C5: variants seen among roughly 807,000 people sequenced by gnomAD.
The protein encoded by C5 is C3 and PZP-like alpha-2-macroglobulin domain-containing protein 4.
C5 carries 140 observed loss-of-function variants against 218.8 expected under a neutral mutation model. The observed-to-expected ratio is 0.64, with a 90% CI of 0.56 to 0.74. C5 has a LOEUF of 0.74. Among genes scored for constraint, C5 ranks in the 30% least tolerant of loss-of-function variants. C5 has a pLI of 0.00. For synonymous variants in C5, 614 were observed against 682.3 expected (o/e 0.90, Z 1.56); for missense variants, 1,700 against 1,969.6 (o/e 0.86, Z 2.59).
chr9:120,988,024 C>T lies in C5; in HGVS notation c.3230+1022G>A, dbSNP rs191026568. 8.5e-5 allele frequency among the ~76,000 whole-genome samples: 13 copies of T among 152,286 alleles called. No homozygotes were observed. The East Asian group carries it at 2.5e-3, about 29-fold the overall frequency. On this transcript the variant is annotated intron_variant, in intron 25 of 40. Coordinates refer to ENST00000223642, the MANE Select transcript of C5 (RefSeq NM_001735.3). ...GCCAGGATGGTCTCGATCTCTTGAC[C>T]TCATGATCCGCCCGCCTTGTCCTCC...
Position 120,997,694 on chromosome 9 carries a change from G to A in C5, c.2643C>T (p.Ser881=), listed in dbSNP as rs1268236060. The A allele has an allele frequency of 2.5e-6, 4 of 1,614,046 alleles. No individual in the cohort carries two copies. The Admixed American group carries it at 5.0e-5, about 20-fold the overall frequency. ...PVIDHQGTKS[S]KCVRQKVEGS... ...CCTCTACTTTCTGGCGCACACATTT[G>A]GAGGACTTTGTGCCCTGATGATCAA... Residue 881 remains serine, a synonymous_variant, in exon 21 of 41, where the codon TCC becomes TCT. Transcript: ENST00000223642.
chr9:120,996,962 T>C (rs2047121882), intron 21 of C5, among the ~76,000 whole-genome samples: 1 of 151,882 alleles, frequency 6.6e-6, no homozygotes, highest in Admixed American at 6.6e-5. Context: ...CATAAAAATA[T>C]TAATGTTAAT....
intron 12 of C5, among the ~76,000 whole-genome samples, chr9:121,019,219 G>A (rs945081200): frequency 9.2e-5 from 14 of 151,774 alleles, no homozygotes; most frequent in African/African-American, 3.4e-4. Flanking sequence ...CTGCATACAT[G>A]GATTTGGTAT....
At position 120,960,299 on chromosome 9, in the gene C5, T is replaced by C; in HGVS notation, c.4627A>G (p.Ile1543Val). Reference sequence around the variant, plus strand: ...GTTTGTTTTCTTGTCTCTGCAGAGATTGTCAGATCCAATTCTTCCTGCATT... The same window carrying C: ...GTTTGTTTTCTTGTCTCTGCAGAGACTGTCAGATCCAATTCTTCCTGCATT... ...GQMQEELDLTISAETRKQTAC... is the reference protein window; with the variant it reads ...GQMQEELDLTVSAETRKQTAC... The change falls in exon 38 of 41, where the codon ATC (isoleucine) becomes GTC (valine). Residue 1543 changes from isoleucine to valine, a missense_variant. Physicochemically the swap from Ile to Val is conservative, Grantham distance 29. Transcript: ENST00000223642. The C allele has an allele frequency of 6.2e-7, 1 of 1,613,716 alleles. No individual in the cohort carries two copies. Among genetic ancestry groups the C allele is most frequent in the South Asian group, 1.1e-5 (1 of 91,074 alleles).
intron 20 of C5, among the ~76,000 whole-genome samples, chr9:121,002,216 G>GTATA (rs757615788): frequency 1.8e-5 from 2 of 112,842 alleles, no homozygotes; most frequent in Non-Finnish European, 1.7e-5. Flanking sequence ...GTATATATAC[G>GTATA]TATATATATA....
rs2131773909 is a variant in C5 at position 121,021,628 on chromosome 9, T to C, written c.1183A>G (p.Ile395Val). 6.2e-7 allele frequency: 1 copy of C among 1,613,982 alleles called. No homozygotes were observed. The highest frequency in any genetic ancestry group is 1.1e-5 in the South Asian group (1 of 91,080). The change falls in exon 11 of 41, where the codon ATT (isoleucine) becomes GTT (valine). Residue 395 changes from isoleucine to valine, a missense_variant. Physicochemically the swap from Ile to Val is conservative, Grantham distance 29. Coordinates refer to ENST00000223642, the MANE Select transcript of C5 (RefSeq NM_001735.3). ...TCAGATGTCTCTTGGTTTACATCAA[T>C]TGTTTGTGCATTCAGTGTTACTGGG... ...GVPVTLNAQT[I>V]DVNQETSDLD...
At chr9:121,071,433 C>T in the C5 span, among the ~76,000 whole-genome samples, 3 of 151,414 alleles carry the variant, frequency 2.0e-5, no homozygotes. Flanking sequence ...GCGTGTAATC[C>T]CAGCACTTTG....
chr9:120,978,550 G>A (rs552289437), intron 28 of C5, among the ~76,000 whole-genome samples: 1 of 152,246 alleles, frequency 6.6e-6, no homozygotes, highest in East Asian at 1.9e-4. Context: ...TATCGTACAA[G>A]TGGTTTTGAG....
chr9:120,988,918 A>G, intron 25 of C5, 128 bp downstream of exon 25: 1 of 766,352 alleles, frequency 1.3e-6, no homozygotes, highest in Non-Finnish European at 2.4e-6. Flanking sequence ...ACGGTAAGAG[A>G]AAGAGAGGAG....
At chr9:121,008,021 AT>A (rs1455210493) in intron 18 of C5, among the ~76,000 whole-genome samples, 2 of 152,188 alleles carry the variant, frequency 1.3e-5, no homozygotes, top group African/African-American at 4.8e-5. Context: ...TTTCCTTAAA[AT>A]GTGTTGAATA....
chr9:121,074,583 C>A, the C5 span, among the ~76,000 whole-genome samples: 1 of 152,204 alleles, frequency 6.6e-6, no homozygotes, highest in Non-Finnish European at 1.5e-5. Context: ...TGGGGGAGGC[C>A]GGGGAGGCGC....
At chr9:121,058,708 G>C in the C5 span, among the ~76,000 whole-genome samples, 1 of 152,162 alleles carries the variant, frequency 6.6e-6, no homozygotes, top group Non-Finnish European at 1.5e-5. Context: ...CAAAGTGCTG[G>C]GATTACAGGC....
At chr9:120,962,818 T>A in intron 35 of C5, 42 bp from the exon 36 acceptor site, 1 of 1,599,270 alleles carries the variant, frequency 6.3e-7, no homozygotes, top group South Asian at 1.1e-5. Context: ...TATGGAGAGA[T>A]GATATTTATA....
chr9:121,051,681 C>T (rs1445277421), upstream of C5, among the ~76,000 whole-genome samples: 1 of 152,034 alleles, frequency 6.6e-6, no homozygotes, highest in Non-Finnish European at 1.5e-5. Flanking sequence ...CACTTTAATG[C>T]TGAATTCACT....
chr9:120,961,356 A>C (rs2046825990), intron 37 of C5, 126 bp downstream of exon 37: 5 of 708,066 alleles, frequency 7.1e-6, no homozygotes, highest in Non-Finnish European at 1.3e-5. Flanking sequence ...GCTTTCAATT[A>C]GCTGAGATAG....
intron 30 of C5, among the ~76,000 whole-genome samples, chr9:120,972,788 T>C (rs930138760): frequency 2.9e-4 from 44 of 152,350 alleles, no homozygotes; most frequent in African/African-American, 1.1e-3. Context: ...TAATGCAAGA[T>C]GGATTGGGCA....
intron 33 of C5, among the ~76,000 whole-genome samples, chr9:120,966,478 T>TATCC (rs1432091040): frequency 2.0e-5 from 3 of 152,228 alleles, no homozygotes; most frequent in Non-Finnish European, 2.9e-5. Context: ...TGGTAGAGGC[T>TATCC]ATCCCACAGG....
At chr9:120,966,511 C>G (rs2046869114) in intron 33 of C5, among the ~76,000 whole-genome samples, 1 of 152,176 alleles carries the variant, frequency 6.6e-6, no homozygotes, top group South Asian at 2.1e-4. Context: ...TCAGAGAGCT[C>G]TTCTTTATTG....
intron 5 of C5, 55 bp from the exon 6 acceptor site, chr9:121,032,250 TCA>T (rs2047482401): frequency 2.0e-6 from 2 of 994,942 alleles, no homozygotes; most frequent in African/African-American, 3.2e-5. Context: ...TTTAATTCAC[TCA>T]GAGGAGATCT....
Sources: gnomAD v4.1 joint callset for allele counts (sites outside exome capture counted in the v4.1 genomes callset) on GRCh38, gnomAD v4.1.1 for gene constraint, MANE v1.5 for transcripts, NCBI Gene and HGNC (gene_info 2026-07-23, HGNC 2026-07-21) for gene names.